CEP350: variants seen among roughly 807,000 people sequenced by gnomAD.
CEP350 encodes the protein centrosome-associated protein 350.
Under a neutral mutation model 331.8 loss-of-function variants are expected in CEP350, and 126 were observed. The observed-to-expected ratio is 0.38, with a 90% CI of 0.33 to 0.44. The LOEUF (loss-of-function observed/expected upper bound fraction) is 0.44, where lower values mean the gene tolerates loss of function less well. CEP350 is among the 20% of genes least tolerant of loss of function. The pLI is 1.00. For missense variants in CEP350, 3,406 were observed against 3,634.6 expected, an observed-to-expected ratio of 0.94 and a Z score of 1.62; for synonymous variants, 1,200 against 1,259.5, an observed-to-expected ratio of 0.95 and a Z score of 1.00.
In CEP350 at chr1:179,997,613, C is replaced by G. The variant is rs12047227; in HGVS notation, c.1018+438C>G. Reference sequence around the variant, plus strand: ...CAGATTCCTAGATCCAACACTAGTCCTAAGTCAGATTTTCTGGGGCTGGGG... The same window carrying G: ...CAGATTCCTAGATCCAACACTAGTCGTAAGTCAGATTTTCTGGGGCTGGGG... On this transcript the variant is annotated intron_variant, in intron 6 of 37. Transcript: ENST00000367607. Among the ~76,000 whole-genome samples the G allele has an allele frequency of 2.8e-4, 43 of 151,936 alleles. 1 individual carries two copies. The East Asian group carries it at 5.4e-3, about 19-fold the overall frequency.
rs149801617 is a variant in CEP350, at chr1:180,078,568, C to A, written c.5873C>A (p.Ser1958Tyr). Residue 1958 changes from serine (S) to tyrosine (Y), a missense_variant, in exon 29 of 38, where the codon TCC (serine) becomes TAC (tyrosine). Ser to Tyr is a moderately radical substitution (Grantham distance 144). This residue lies in a region of CEP350 where 1,415 missense variants were observed against 1,512.3 expected (regional missense o/e 0.94). Transcript: ENST00000367607. Reference sequence around the variant, plus strand: ...AGCCCTGCTGTTGAATATGTACCATCCGAGTCTATAGGACAGGAGCAGCCA... The same window carrying A: ...AGCCCTGCTGTTGAATATGTACCATACGAGTCTATAGGACAGGAGCAGCCA... ...LGSPAVEYVP[S>Y]ESIGQEQPGS... 9 of 1,613,536 alleles carry A rather than the reference C, an allele frequency of 5.6e-6. No individual in the cohort carries two copies. The South Asian group carries it at 9.9e-5, about 18-fold the overall frequency.
chr1:180,101,606 G>C (rs1052349571), intron 37 of CEP350, among the ~76,000 whole-genome samples: 1 of 151,958 alleles, frequency 6.6e-6, no homozygotes, highest in African/African-American at 2.4e-5. Flanking sequence ...AATCAGTTCT[G>C]ATACTCCCTA....
intron 3 of CEP350, among the ~76,000 whole-genome samples, chr1:179,990,230 A>G (rs952520138): frequency 5.9e-5 from 9 of 152,162 alleles, no homozygotes; most frequent in Non-Finnish European, 1.3e-4. Context: ...ATACTCAACA[A>G]TTTAAAAAAT....
intron 37 of CEP350, among the ~76,000 whole-genome samples, chr1:180,104,678 G>A (rs751412986): frequency 2.0e-4 from 30 of 152,102 alleles, no homozygotes; most frequent in Non-Finnish European, 1.3e-4. Flanking sequence ...TAGCAACCTC[G>A]TAGAGTTGGG....
intron 30 of CEP350, among the ~76,000 whole-genome samples, chr1:180,082,894 T>C (rs1186054020): frequency 6.6e-6 from 1 of 152,208 alleles, no homozygotes; most frequent in Non-Finnish European, 1.5e-5. Context: ...ATATTGAGCC[T>C]TGCCTATGCT....
chr1:180,099,088 A>G lies in CEP350; in HGVS notation c.9189+103A>G, dbSNP rs1660649722. The G allele has an allele frequency of 1.7e-5, 20 of 1,193,206 alleles. No individual in the cohort carries two copies. In the Admixed American group the frequency reaches 3.6e-4, roughly 22 times the overall value. 73.9% of individuals were successfully genotyped at this position (1,193,206 alleles called of 1,614,324 possible). A position where few individuals can be genotyped will look rare whatever the true frequency, so the allele number is the denominator to read the frequency against. ...AAGGGATAGACTTATTCTTAAATCTATGGTATTAAAATCTTAAAGCCTTTA... is the reference window on the plus strand; with the variant it reads ...AAGGGATAGACTTATTCTTAAATCTGTGGTATTAAAATCTTAAAGCCTTTA... On this transcript the variant is annotated intron_variant, in intron 37 of 37. Transcript: ENST00000367607.
At chr1:180,074,936 G>A (rs975149065) in intron 27 of CEP350, 86 bp from the exon 28 acceptor site, 8 of 1,152,434 alleles carry the variant, frequency 6.9e-6, no homozygotes, top group Non-Finnish European at 9.6e-6. Context: ...ACAGCTTGTT[G>A]ATAAGGTGGT....
chr1:180,059,505 CAT>C (rs1030378151), intron 25 of CEP350, among the ~76,000 whole-genome samples: 7 of 152,190 alleles, frequency 4.6e-5, no homozygotes, highest in Admixed American at 3.9e-4. Context: ...CTCTTGAGTA[CAT>C]GTCTTTTTTG....
chr1:180,029,589 G>A (rs1247649150), intron 14 of CEP350, among the ~76,000 whole-genome samples: 1 of 152,148 alleles, frequency 6.6e-6, no homozygotes, highest in East Asian at 1.9e-4. Flanking sequence ...TTCCCGTACT[G>A]AAGCTCTGTA....
chr1:179,982,637 T>TGAGGGTCCA (rs1652363060), intron 1 of CEP350, among the ~76,000 whole-genome samples: 2 of 152,198 alleles, frequency 1.3e-5, no homozygotes, highest in African/African-American at 4.8e-5. Context: ...TGATAATCAC[T>TGAGGGTCCA]ATATATTTCA....
chr1:179,978,486 TC>T (rs1652037025), intron 1 of CEP350, among the ~76,000 whole-genome samples: 1 of 152,114 alleles, frequency 6.6e-6, no homozygotes, highest in South Asian at 2.1e-4. Flanking sequence ...TAGAACTTAT[TC>T]CTTCTATCTA....
At chr1:180,049,630 G>A (rs961201714) in intron 22 of CEP350, among the ~76,000 whole-genome samples, 2 of 145,884 alleles carry the variant, frequency 1.4e-5, no homozygotes, top group African/African-American at 2.6e-5. Flanking sequence ...TGCAACCTCC[G>A]CCTCCTGGGT....
chr1:180,015,751 T>A, intron 10 of CEP350, 98 bp from the exon 11 acceptor site: 1 of 1,355,726 alleles, frequency 7.4e-7, no homozygotes, highest in East Asian at 2.6e-5. Flanking sequence ...CATTTTATGA[T>A]CTTTGTAGAG....
intron 29 of CEP350, among the ~76,000 whole-genome samples, chr1:180,079,974 A>G (rs9425859): frequency 0.71 from 107,290 of 152,040 alleles, 39,299 homozygotes; most frequent in Admixed American, 0.79. Context: ...TATAAAATAG[A>G]TACTGTTCTA....
chr1:180,079,938 A>T (rs1659455814), intron 29 of CEP350, among the ~76,000 whole-genome samples: 2 of 152,186 alleles, frequency 1.3e-5, no homozygotes, highest in African/African-American at 4.8e-5. Context: ...TACGTGGATT[A>T]TCTCATTTAA....
Position 180,041,224 on chromosome 1 carries a change from A to G in CEP350, c.4197A>G (p.Glu1399=), listed in dbSNP as rs1656739977. The G allele has an allele frequency of 1.3e-6, 2 of 1,593,010 alleles. No individual in the cohort carries two copies. The highest frequency in any genetic ancestry group is 1.7e-6 in the Non-Finnish European group (2 of 1,169,714). The change falls in exon 18 of 38, where the codon GAA becomes GAG. Residue 1399 remains glutamate (E), a synonymous_variant. Coordinates refer to ENST00000367607, the MANE Select transcript of CEP350 (RefSeq NM_014810.5). ...CTCTGGAGAGTCAGAGACAATTAGAAGAAACCCGAAACAAAGCAGCTCAGG... is the reference window on the plus strand; with the variant it reads ...CTCTGGAGAGTCAGAGACAATTAGAGGAAACCCGAAACAAAGCAGCTCAGG... The part of the protein sequence containing the change: ...QEALESQRQL[E]ETRNKAAQVH...
intron 14 of CEP350, among the ~76,000 whole-genome samples, chr1:180,028,047 C>T (rs1251134756): frequency 1.3e-5 from 2 of 152,188 alleles, no homozygotes; most frequent in East Asian, 3.9e-4. Flanking sequence ...ATTTTACCAG[C>T]ACTTCCGAAA....
intron 1 of CEP350, among the ~76,000 whole-genome samples, chr1:179,963,185 G>C (rs1223376822): frequency 6.6e-6 from 1 of 151,398 alleles, no homozygotes; most frequent in East Asian, 1.9e-4. Flanking sequence ...TCATTTGTTT[G>C]AGATTCCTTG....
chr1:180,013,177 A>T (rs1654763468), intron 9 of CEP350, among the ~76,000 whole-genome samples: 1 of 152,206 alleles, frequency 6.6e-6, no homozygotes, highest in Admixed American at 6.5e-5. Context: ...ACAGATGTTT[A>T]AAAATGTGAA....
Sources: allele counts gnomAD v4.1 joint callset (sites outside exome capture counted in the v4.1 genomes callset), GRCh38; gene constraint gnomAD v4.1.1; regional missense constraint gnomAD v4.1.1; transcripts MANE v1.5; gene names NCBI Gene and HGNC (gene_info 2026-07-23, HGNC 2026-07-21).